POLG: variants seen among roughly 807,000 people sequenced by gnomAD.
POLG encodes DNA polymerase gamma, catalytic subunit, also known as DNA polymerase subunit gamma-1.
Under a neutral mutation model 155.4 loss-of-function variants are expected in POLG, and 110 were observed. The ratio of observed to expected loss-of-function variants is 0.71; its 90% CI spans 0.61 to 0.83. The LOEUF (loss-of-function observed/expected upper bound fraction) is 0.83. Ranked by LOEUF, POLG falls within the 40% of genes least tolerant of loss-of-function variation. POLG has a pLI of 0.00. For synonymous variants in POLG, 701 were observed against 631.5 expected (o/e 1.11, Z -1.65); for missense variants, 1,685 against 1,627.5 (o/e 1.04, Z -0.61).
intron 3 of POLG, 23 bp from the exon 4 acceptor site, chr15:89,329,133 G>GGAA (rs1329610236): frequency 1.3e-6 from 2 of 1,599,672 alleles, no homozygotes; most frequent in Non-Finnish European, 1.7e-6. Flanking sequence ...AGGAGAAAAG[G>GGAA]GAAGGGAAGG....
In POLG at chr15:89,318,968, A is replaced by T; in HGVS notation, c.3236T>A (p.Ile1079Asn). Residue 1079 changes from isoleucine to asparagine, a missense_variant, in exon 20 of 23, where the codon ATC (isoleucine) becomes AAC (asparagine). This residue lies in a region of POLG where 470 missense variants were observed against 439.9 expected (regional missense o/e 1.07). Transcript: ENST00000268124. ...IPRTPVLGCC[I>N]SRALEPSAVQ... ...AGCCGAGGGCTCCAGGGCTCGGCTG[A>T]TGCAGCAGCCCAGCACCGGGGTACG... 6.2e-7 allele frequency: 1 copy of T among 1,614,114 alleles called. No homozygotes were observed. The highest frequency in any genetic ancestry group is 1.3e-5 in the African/African-American group (1 of 75,018).
chr15:89,334,683 A>G lies in POLG; in HGVS notation c.-170T>C, dbSNP rs796052915. ...GACCCCGCCGGAAACCTCGGTCCTCACGGTGCTTCCCGGTCTGCTGCTCCC... is the reference window on the plus strand; with the variant it reads ...GACCCCGCCGGAAACCTCGGTCCTCGCGGTGCTTCCCGGTCTGCTGCTCCC... On this transcript the variant is annotated 5_prime_UTR_variant, in exon 1 of 23. Coordinates refer to ENST00000268124, the MANE Select transcript of POLG (RefSeq NM_002693.3). The G allele has an allele frequency of 6.6e-6, 1 of 152,432 alleles. No individual in the cohort carries two copies. Among genetic ancestry groups the G allele is most frequent in the Non-Finnish European group, 1.5e-5 (1 of 68,252 alleles). 9.4% of individuals were successfully genotyped at this position (152,432 alleles called of 1,614,324 possible).
intron 2 of POLG, among the ~76,000 whole-genome samples, chr15:89,331,347 G>A (rs2055591853): frequency 6.6e-6 from 1 of 151,196 alleles, no homozygotes; most frequent in African/African-American, 2.4e-5. Context: ...AAACAACGCA[G>A]ACAAAAAGGC....
Position 89,326,929 on chromosome 15 carries a change from T to A in POLG, c.1568A>T (p.Asp523Val). 6.2e-7 allele frequency: 1 copy of A among 1,614,122 alleles called. No homozygotes were observed. The highest frequency in any genetic ancestry group is 8.5e-7 in the Non-Finnish European group (1 of 1,180,008). The change falls in exon 8 of 23, where the codon GAT (aspartate) becomes GTT (valine). Residue 523 changes from aspartate to valine, a missense_variant. Asp to Val is a radical substitution (Grantham distance 152, BLOSUM62 -3). Around this residue, in one of 3 missense-constraint regions of POLG, gnomAD observed 1,210 missense variants for 1,167.1 expected, o/e 1.04. Coordinates refer to ENST00000268124, the MANE Select transcript of POLG (RefSeq NM_002693.3). ...LPIEGAGAPGDPMDQEDLGPC... is the reference protein window; with the variant it reads ...LPIEGAGAPGVPMDQEDLGPC... ...CTCCCCACCTTCCTGATCCATGGGATCACCAGGGGCCCCAGCCCCCTCGAT... is the reference window on the plus strand; with the variant it reads ...CTCCCCACCTTCCTGATCCATGGGAACACCAGGGGCCCCAGCCCCCTCGAT...
At position 89,318,996 on chromosome 15, in the gene POLG, G is replaced by A; in HGVS notation, c.3208C>T (p.Pro1070Ser). 6.2e-7 allele frequency: 1 copy of A among 1,614,112 alleles called. No homozygotes were observed. Among genetic ancestry groups the A allele is most frequent in the Non-Finnish European group, 8.5e-7 (1 of 1,180,000 alleles). Reference protein sequence around the residue: ...KLESIATSDIPRTPVLGCCIS... With the variant: ...KLESIATSDISRTPVLGCCIS... The stretch of plus-strand genomic sequence containing the variant: ...CAGCAGCCCAGCACCGGGGTACGTG[G>A]TATGTCAGACGTAGCAATGCTCTCA... Residue 1070 changes from proline (P) to serine (S), a missense_variant, in exon 20 of 23, where the codon CCA (proline) becomes TCA (serine). By Grantham distance (74) the Pro-to-Ser change is moderately conservative. This residue lies in a region of POLG where 470 missense variants were observed against 439.9 expected (regional missense o/e 1.07). Coordinates refer to ENST00000268124, the MANE Select transcript of POLG (RefSeq NM_002693.3).
chr15:89,316,966 A>G (rs2055288775), intron 22 of POLG, 139 bp from the exon 23 acceptor site: 1 of 707,314 alleles, frequency 1.4e-6, no homozygotes, highest in Non-Finnish European at 2.6e-6. Context: ...GTAATGTTAC[A>G]TGTTAGGAGG....
intron 6 of POLG, among the ~76,000 whole-genome samples, chr15:89,327,840 G>A (rs1567191721): frequency 6.6e-6 from 1 of 151,666 alleles, no homozygotes; most frequent in African/African-American, 2.4e-5. Flanking sequence ...TCAACGTGAA[G>A]GATAGATATC....
chr15:89,334,617 G>A (rs1052058659), intron 1 of POLG, 56 bp downstream of exon 1: 6 of 152,434 alleles, frequency 3.9e-5, no homozygotes, highest in African/African-American at 1.4e-4. Flanking sequence ...TGGAGAGGGA[G>A]GGGCCGCGCC....
intron 2 of POLG, among the ~76,000 whole-genome samples, chr15:89,330,961 G>C (rs1245796830): frequency 6.6e-6 from 1 of 152,150 alleles, no homozygotes; most frequent in African/African-American, 2.4e-5. Context: ...CACTGATTCA[G>C]GAAAAGGCTG....
intron 1 of POLG, 138 bp from the exon 2 acceptor site, chr15:89,334,051 A>C: frequency 2.1e-6 from 1 of 475,452 alleles, no homozygotes; most frequent in Non-Finnish European, 3.8e-6. Context: ...TAAGCCTCAA[A>C]ACTTGGGAAA....
At chr15:89,318,873 A>AGCTCT in intron 20 of POLG, 58 bp downstream of exon 20, 1 of 1,592,714 alleles carries the variant, frequency 6.3e-7, no homozygotes, top group Non-Finnish European at 8.6e-7. Flanking sequence ...GTCCACAGGG[A>AGCTCT]GCTCTGCCCT....
chr15:89,323,871 C>T lies in POLG; in HGVS notation c.2101G>A (p.Ala701Thr), dbSNP rs747214857. Residue 701 changes from alanine to threonine, a missense_variant, in exon 12 of 23, where the codon GCT (alanine) becomes ACT (threonine). Physicochemically the swap from Ala to Thr is moderately conservative, Grantham distance 58. Coordinates refer to ENST00000268124, the MANE Select transcript of POLG (RefSeq NM_002693.3). ...VEELDYLEVEAEAKMENLRAA... is the reference protein window; with the variant it reads ...VEELDYLEVETEAKMENLRAA... ...CGCAAGTTCTCCATCTTGGCCTCAG[C>T]CTCCACTTCTAAGTAATCCAGTTCT... 5.6e-6 allele frequency: 9 copies of T among 1,613,964 alleles called. No individual in the cohort carries two copies. In the African/African-American group the frequency reaches 1.1e-4, roughly 19 times the overall value.
chr15:89,318,189 A>G (rs2055332067), intron 21 of POLG, among the ~76,000 whole-genome samples: 1 of 152,078 alleles, frequency 6.6e-6, no homozygotes, highest in African/African-American at 2.4e-5. Flanking sequence ...GAGAAAGAAA[A>G]ACAAACATCT....
chr15:89,329,118 G>C lies in POLG; in HGVS notation c.856-8C>G, dbSNP rs1359740979. The C allele has an allele frequency of 6.2e-7, 1 of 1,609,394 alleles. No homozygotes were observed. The highest frequency in any genetic ancestry group is 8.5e-7 in the Non-Finnish European group (1 of 1,179,274). On this transcript the variant is annotated splice_polypyrimidine_tract_variant and splice_region_variant and intron_variant, in intron 3 of 22. Transcript: ENST00000268124. Reference sequence around the variant, plus strand: ...GAAACGCATGCGGGAACCCTGAGGAGGAGGAGGAGAAAAGGGAAGGGAAGG... The same window carrying C: ...GAAACGCATGCGGGAACCCTGAGGACGAGGAGGAGAAAAGGGAAGGGAAGG...
chr15:89,319,204 C>G lies in POLG; in HGVS notation c.3104+24G>C, dbSNP rs201483942. Reference sequence around the variant, plus strand: ...GGCAAGCCCAGACCCCTCCCTCCATCCTTAACACAAAGAAGGTTCTTACTT... The same window carrying G: ...GGCAAGCCCAGACCCCTCCCTCCATGCTTAACACAAAGAAGGTTCTTACTT... On this transcript the variant is annotated intron_variant, in intron 19 of 22. Coordinates refer to ENST00000268124, the MANE Select transcript of POLG (RefSeq NM_002693.3). 277 of 1,614,194 alleles carry G rather than the reference C, an allele frequency of 1.7e-4. No homozygotes were observed. The African/African-American group carries it at 3.5e-3, about 20-fold the overall frequency.
At chr15:89,323,350 G>T in intron 13 of POLG, 54 bp downstream of exon 13, 2 of 1,133,886 alleles carry the variant, frequency 1.8e-6, no homozygotes, top group South Asian at 2.5e-5. Flanking sequence ...GCCTGCTGTG[G>T]GCCTTGAGCA....
At chr15:89,325,287 A>T (rs545008603) in intron 10 of POLG, among the ~76,000 whole-genome samples, 163 bp downstream of exon 10, 3 of 109,906 alleles carry the variant, frequency 2.7e-5, no homozygotes, top group African/African-American at 4.3e-5. Context: ...AGAGAGAAAG[A>T]GAGAGAGAGA....
rs1291144965 is a variant in POLG at position 89,325,277 on chromosome 15, A to AGTGAGT, written c.1949+172_1949+173insACTCAC. Among the ~76,000 whole-genome samples, 4 of 108,500 alleles carry AGTGAGT rather than the reference A, an allele frequency of 3.7e-5. 1 individual carries two copies. Among genetic ancestry groups the AGTGAGT allele is most frequent in the South Asian group, 2.7e-4 (1 of 3,666 alleles). 71.2% of individuals were successfully genotyped at this position (108,500 alleles called of 152,430 possible). Reference sequence around the variant, plus strand: ...GAGAGAGTGAGTGAGTGAGTGAGAGAGAGAGAAAGAGAGAGAGAGAGGGTG... The same window carrying AGTGAGT: ...GAGAGAGTGAGTGAGTGAGTGAGAGAGTGAGTGAGAGAAAGAGAGAGAGAGAGGGTG... On this transcript the variant is annotated intron_variant, in intron 10 of 22. Coordinates refer to ENST00000268124, the MANE Select transcript of POLG (RefSeq NM_002693.3).
rs756271228 is a variant in POLG, at chr15:89,321,112, G to A, written c.2734+13C>T. 50 of 1,614,024 alleles carry A rather than the reference G, an allele frequency of 3.1e-5. No individual in the cohort carries two copies. Among genetic ancestry groups the A allele is most frequent in the South Asian group, 2.1e-4 (19 of 91,084 alleles). On this transcript the variant is annotated intron_variant, in intron 17 of 22. Coordinates refer to ENST00000268124, the MANE Select transcript of POLG (RefSeq NM_002693.3). ...TGAGGGGCTGGGCTGCCCCAACCCC[G>A]GCTCCTGCTCACCATGCATGCCGGC...
Sources: gnomAD v4.1 joint callset for allele counts (sites outside exome capture counted in the v4.1 genomes callset) on GRCh38, gnomAD v4.1.1 for gene constraint, gnomAD v4.1.1 regional missense constraint, MANE v1.5 for transcripts, NCBI Gene and HGNC (gene_info 2026-07-23, HGNC 2026-07-21) for gene names.